The following GRM7 variants were observed in gnomAD, a reference collection of about 807,000 sequenced individuals.
GRM7 encodes glutamate metabotropic receptor 7.
A neutral mutation model predicts 84.5 loss-of-function variants in GRM7; 35 were observed. That is an observed-to-expected ratio of 0.41 (90% confidence interval 0.32 to 0.55). The LOEUF (loss-of-function observed/expected upper bound fraction) is 0.55. Among genes scored for constraint, GRM7 ranks in the 20% least tolerant of loss-of-function variants. GRM7 has a pLI of 0.19. For synonymous variants in GRM7, 487 were observed against 455.1 expected, an observed-to-expected ratio of 1.07 and a Z score of -0.89; for missense variants, 1,003 against 1,194.6, an observed-to-expected ratio of 0.84 and a Z score of 2.36.
intron 7 of GRM7, among the ~76,000 whole-genome samples, chr3:7,567,259 A>T (rs770905529): frequency 1.2e-4 from 18 of 152,202 alleles, no homozygotes; most frequent in Non-Finnish European, 1.0e-4. Flanking sequence ...GTATGTTCCC[A>T]TTAAATCATA....
At chr3:7,331,050 A>G (rs1301099794) in intron 4 of GRM7, among the ~76,000 whole-genome samples, 1 of 152,170 alleles carries the variant, frequency 6.6e-6, no homozygotes, top group Non-Finnish European at 1.5e-5. Flanking sequence ...AACACTTATG[A>G]ATATCTGAAA....
chr3:7,642,367 A>G (rs1231780673), intron 8 of GRM7, among the ~76,000 whole-genome samples: 2 of 152,206 alleles, frequency 1.3e-5, no homozygotes, highest in African/African-American at 4.8e-5. Context: ...GACATAATTT[A>G]GACATGCATA....
At chr3:7,052,384 T>C (rs1240820497) in intron 1 of GRM7, among the ~76,000 whole-genome samples, 1 of 151,652 alleles carries the variant, frequency 6.6e-6, no homozygotes, top group Non-Finnish European at 1.5e-5. Flanking sequence ...TTTTCTTCTG[T>C]TTTTGTTAGT....
intron 9 of GRM7, among the ~76,000 whole-genome samples, chr3:7,713,994 G>A: frequency 6.6e-6 from 1 of 151,872 alleles, no homozygotes; most frequent in Admixed American, 6.6e-5. Flanking sequence ...CTTGCATCAG[G>A]CCTTGTGATG....
chr3:7,327,368 G>A (rs1701028798), intron 4 of GRM7, among the ~76,000 whole-genome samples: 1 of 152,056 alleles, frequency 6.6e-6, no homozygotes, highest in Admixed American at 6.6e-5. Context: ...TCAGAAGGAA[G>A]GAAAAGGAGA....
rs558472847 is a variant in GRM7 at position 7,429,522 on chromosome 3, A to G, written c.1174+14359A>G. On this transcript the variant is annotated intron_variant, in intron 5 of 9. Coordinates refer to ENST00000357716, the MANE Select transcript of GRM7 (RefSeq NM_000844.4). ...GTTTGGGTATAGATTTATCTTTTTT[A>G]TGAGATGCACTTGAGAGTCTTCAAA... 4.4e-4 allele frequency among the ~76,000 whole-genome samples: 67 copies of G among 152,272 alleles called. 1 individual carries two copies. The highest frequency in any genetic ancestry group is 2.7e-3 in the South Asian group (13 of 4,830).
At chr3:7,095,419 G>A (rs1468186394) in intron 1 of GRM7, among the ~76,000 whole-genome samples, 3 of 152,044 alleles carry the variant, frequency 2.0e-5, no homozygotes, top group African/African-American at 7.2e-5. Flanking sequence ...TTTCTTTAAG[G>A]AATGATTGGG....
At position 7,390,442 on chromosome 3, in the gene GRM7, T is replaced by A. The variant is rs560406506; in HGVS notation, c.1034-24581T>A. ...TTAAATTATATCCTCACATATTGTT[T>A]CTAAGTTGTTTCTTTTCTCATTCAG... On this transcript the variant is annotated intron_variant, in intron 4 of 9. Transcript: ENST00000357716. Among the ~76,000 whole-genome samples the A allele has an allele frequency of 2.2e-4, 33 of 152,296 alleles. No homozygotes were observed. The East Asian group carries it at 6.2e-3, about 29-fold the overall frequency.
intron 1 of GRM7, among the ~76,000 whole-genome samples, chr3:7,097,679 A>G (rs1271461884): frequency 6.6e-6 from 1 of 152,124 alleles, no homozygotes; most frequent in Non-Finnish European, 1.5e-5. Context: ...CATCACTCGT[A>G]CAAGTTTGGT....
intron 2 of GRM7, among the ~76,000 whole-genome samples, chr3:7,265,507 G>C (rs964164099): frequency 5.3e-5 from 8 of 152,168 alleles, no homozygotes; most frequent in African/African-American, 1.9e-4. Flanking sequence ...AGAGAGGACT[G>C]TAAGTGATGT....
intron 1 of GRM7, among the ~76,000 whole-genome samples, chr3:6,988,466 GC>G (rs1694511767): frequency 6.6e-6 from 1 of 152,032 alleles, no homozygotes; most frequent in African/African-American, 2.4e-5. Flanking sequence ...TCAGAGTAAT[GC>G]ATTTGCTTTT....
chr3:7,166,559 C>T (rs1349303135), intron 2 of GRM7, among the ~76,000 whole-genome samples: 2 of 152,212 alleles, frequency 1.3e-5, no homozygotes, highest in African/African-American at 4.8e-5. Context: ...ATAGACTGAA[C>T]TTCATTCCAA....
chr3:7,236,969 G>A, intron 2 of GRM7, among the ~76,000 whole-genome samples: 1 of 152,164 alleles, frequency 6.6e-6, no homozygotes, highest in East Asian at 1.9e-4. Flanking sequence ...CGTGCATACT[G>A]ATGTGGTTAT....
chr3:7,675,110 T>C (rs1700075803), intron 8 of GRM7, among the ~76,000 whole-genome samples: 1 of 152,242 alleles, frequency 6.6e-6, no homozygotes, highest in Admixed American at 6.5e-5. Flanking sequence ...TATTGTTACA[T>C]CATTTTTATG....
At chr3:7,255,655 A>C (rs570502611) in intron 2 of GRM7, among the ~76,000 whole-genome samples, 1 of 152,216 alleles carries the variant, frequency 6.6e-6, no homozygotes, top group Non-Finnish European at 1.5e-5. Context: ...TATTTATAGA[A>C]GGCATGGAGG....
intron 9 of GRM7, among the ~76,000 whole-genome samples, chr3:7,683,782 T>C (rs564051720): frequency 9.2e-5 from 14 of 152,334 alleles, no homozygotes; most frequent in East Asian, 7.7e-4. Flanking sequence ...TTACATTGTA[T>C]TTAAATTTAA....
chr3:7,588,036 A>G (rs1695601607), intron 8 of GRM7, among the ~76,000 whole-genome samples: 1 of 152,168 alleles, frequency 6.6e-6, no homozygotes, highest in Admixed American at 6.5e-5. Flanking sequence ...TCCCTCCCCA[A>G]GTAAAGCATG....
At chr3:7,116,160 G>T (rs1393173995) in intron 1 of GRM7, among the ~76,000 whole-genome samples, 1 of 152,084 alleles carries the variant, frequency 6.6e-6, no homozygotes, top group Non-Finnish European at 1.5e-5. Flanking sequence ...ACAGAGTCTG[G>T]TGATGGTGGC....
intron 1 of GRM7, among the ~76,000 whole-genome samples, chr3:7,064,548 GATATAT>G (rs60042248): frequency 2.3e-4 from 21 of 89,530 alleles, no homozygotes; most frequent in South Asian, 1.0e-3. Flanking sequence ...ATCATGTATG[GATATAT>G]ATATATATAT....
Sources: gnomAD v4.1 joint callset for allele counts (sites outside exome capture counted in the v4.1 genomes callset) on GRCh38, gnomAD v4.1.1 for gene constraint, MANE v1.5 for transcripts, NCBI Gene and HGNC (gene_info 2026-07-23, HGNC 2026-07-21) for gene names.